The following CCL17 variants were observed in gnomAD, a reference collection of about 807,000 sequenced individuals.
The protein encoded by CCL17 is C-C motif chemokine ligand 17, also known as C-C motif chemokine 17.
In CCL17, 8 loss-of-function variants were observed where a neutral mutation model predicts 7.4. The observed-to-expected ratio is 1.09, with a 90% confidence interval of 0.64 to 1.96. CCL17 has a LOEUF of 1.96. Ranked by LOEUF, CCL17 falls within the 30% of genes most tolerant of loss-of-function variation. The pLI, the probability that CCL17 is intolerant of heterozygous loss-of-function variation, is 0.00. For synonymous variants in CCL17, 40 were observed against 46.1 expected (o/e 0.87, Z 0.54); for missense variants, 102 against 113.0 (o/e 0.90, Z 0.44).
At chr16:57,414,731 G>A (rs1902840731) in intron 2 of CCL17, among the ~76,000 whole-genome samples, 2 of 152,060 alleles carry the variant, frequency 1.3e-5, no homozygotes, top group Admixed American at 1.3e-4. Flanking sequence ...GTTGGGAAAG[G>A]AAAAATGAAA....
upstream of CCL17, among the ~76,000 whole-genome samples, chr16:57,404,058 ATGTC>A (rs2146532402): frequency 6.6e-6 from 1 of 152,264 alleles, no homozygotes; most frequent in African/African-American, 2.4e-5. Flanking sequence ...AGGAAGGAGC[ATGTC>A]TGTCTGGTTG....
At chr16:57,402,413 G>T (rs973295729), upstream of CCL17, among the ~76,000 whole-genome samples, 8 of 152,206 alleles carry the variant, frequency 5.3e-5, no homozygotes, top group Non-Finnish European at 1.2e-4. Flanking sequence ...TGACCCTGGT[G>T]CTGAACAGAT....
chr16:57,401,752 A>T (rs1438013707), upstream of CCL17, among the ~76,000 whole-genome samples: 3 of 152,096 alleles, frequency 2.0e-5, no homozygotes, highest in African/African-American at 4.8e-5. Flanking sequence ...GTGGTTAGCA[A>T]CGCTGATGCC....
At chr16:57,397,750 T>C in the CCL17 span, among the ~76,000 whole-genome samples, 1 of 152,198 alleles carries the variant, frequency 6.6e-6, no homozygotes, top group Non-Finnish European at 1.5e-5. Context: ...TGTGTACACA[T>C]TTATTCTTTT....
intron 1 of CCL17, among the ~76,000 whole-genome samples, chr16:57,411,351 T>C (rs1489076768): frequency 6.6e-6 from 1 of 152,066 alleles, no homozygotes; most frequent in Admixed American, 6.5e-5. Flanking sequence ...CCAGGCAGCC[T>C]GCACCAGCCT....
chr16:57,405,802 G>A (rs1465507587), intron 1 of CCL17, among the ~76,000 whole-genome samples: 7 of 152,096 alleles, frequency 4.6e-5, no homozygotes, highest in Admixed American at 4.6e-4. Context: ...GGGAGGCCGA[G>A]GCAGGTGGAT....
upstream of CCL17, among the ~76,000 whole-genome samples, chr16:57,403,469 T>TTATAATATATATTATAA (rs1902635332): frequency 1.5e-4 from 1 of 6,884 alleles, no homozygotes; most frequent in African/African-American, 5.2e-4. Flanking sequence ...ATATATTATA[T>TTATAATATATATTATAA]TATATATATT....
chr16:57,411,592 G>A (rs1239214637), intron 1 of CCL17, among the ~76,000 whole-genome samples: 2 of 152,250 alleles, frequency 1.3e-5, no homozygotes, highest in African/African-American at 4.8e-5. Context: ...TTGCAGTTGT[G>A]TAGCACAGAA....
chr16:57,405,407 G>A (rs1317122764), intron 1 of CCL17, among the ~76,000 whole-genome samples: 1 of 152,226 alleles, frequency 6.6e-6, no homozygotes, highest in South Asian at 2.1e-4. Context: ...GTGGGGGATG[G>A]AGGCGAGGAA....
the CCL17 span, among the ~76,000 whole-genome samples, chr16:57,399,181 T>G: frequency 6.6e-6 from 1 of 152,164 alleles, no homozygotes; most frequent in African/African-American, 2.4e-5. Flanking sequence ...ACCTGGATGT[T>G]TTCCTGGGCC....
chr16:57,399,499 G>A, the CCL17 span, among the ~76,000 whole-genome samples: 2 of 150,948 alleles, frequency 1.3e-5, no homozygotes, highest in Non-Finnish European at 2.9e-5. Context: ...CGCCCAGGCT[G>A]GAGTGCAAAG....
intron 2 of CCL17, among the ~76,000 whole-genome samples, chr16:57,414,863 C>T (rs531490186): frequency 2.8e-4 from 42 of 152,108 alleles, no homozygotes; most frequent in African/African-American, 8.9e-4. Context: ...CACAAACACA[C>T]GGGACCCCAC....
upstream of CCL17, among the ~76,000 whole-genome samples, chr16:57,401,849 G>A (rs1475008898): frequency 4.6e-5 from 7 of 152,068 alleles, no homozygotes; most frequent in South Asian, 2.1e-4. Flanking sequence ...GCTGCCCCCC[G>A]GGGACGTCAC....
At chr16:57,409,480 A>G (rs1299748358) in intron 1 of CCL17, among the ~76,000 whole-genome samples, 1 of 152,192 alleles carries the variant, frequency 6.6e-6, no homozygotes, top group Non-Finnish European at 1.5e-5. Context: ...AAGGATTTCA[A>G]GAGGGGAGAG....
upstream of CCL17, among the ~76,000 whole-genome samples, chr16:57,400,003 A>G (rs1176907883): frequency 1.3e-5 from 2 of 152,180 alleles, no homozygotes; most frequent in Non-Finnish European, 2.9e-5. Context: ...TCTGAAATCC[A>G]TCTCCCTGAT....
chr16:57,406,393 A>T (rs1902696597), intron 1 of CCL17, among the ~76,000 whole-genome samples: 1 of 152,130 alleles, frequency 6.6e-6, no homozygotes. Flanking sequence ...AGCCTCCCAA[A>T]GTGCTGGGAT....
intron 1 of CCL17, among the ~76,000 whole-genome samples, chr16:57,409,872 C>T (rs777136240): frequency 5.3e-5 from 8 of 152,322 alleles, no homozygotes; most frequent in Middle Eastern, 3.4e-3. Flanking sequence ...GAGCTGGCCC[C>T]GATCCCTGAT....
upstream of CCL17, among the ~76,000 whole-genome samples, chr16:57,401,341 T>A (rs1368696717): frequency 6.6e-6 from 1 of 151,950 alleles, no homozygotes; most frequent in African/African-American, 2.4e-5. Flanking sequence ...CTGGCCAAGA[T>A]GGTGGAACCC....
intron 1 of CCL17, among the ~76,000 whole-genome samples, chr16:57,405,443 TG>T (rs1315353837): frequency 1.3e-5 from 2 of 151,896 alleles, no homozygotes; most frequent in East Asian, 3.9e-4. Context: ...GTTTCAGACT[TG>T]GGGGCAGATG....
Sources: allele counts gnomAD v4.1 joint callset (sites outside exome capture counted in the v4.1 genomes callset), GRCh38; gene constraint gnomAD v4.1.1; transcripts MANE v1.5; gene names NCBI Gene and HGNC (gene_info 2026-07-23, HGNC 2026-07-21).